The following CRKL variants were observed in gnomAD, a reference collection of about 807,000 sequenced individuals.
The protein encoded by CRKL is crk-like protein.
Under a neutral mutation model 23.0 loss-of-function variants are expected in CRKL, and 3 were observed. That is an observed-to-expected ratio of 0.13 (90% CI 0.06 to 0.34). The LOEUF is 0.34. CRKL is among the 10% of genes least tolerant of loss of function. The pLI is 1.00. For missense variants in CRKL, 256 were observed against 394.5 expected (o/e 0.65, Z 2.97); for synonymous variants, 188 against 160.7 (o/e 1.17, Z -1.28).
Position 20,917,639 on chromosome 22 carries a change from C to T in CRKL, c.-296C>T, listed in dbSNP as rs1929739168. 6.8e-6 allele frequency: 3 copies of T among 439,928 alleles called. No homozygotes were observed. Among genetic ancestry groups the T allele is most frequent in the African/African-American group, 4.2e-5 (2 of 48,152 alleles). 27.3% of individuals were successfully genotyped at this position (439,928 alleles called of 1,614,324 possible). A position where few individuals can be genotyped will look rare whatever the true frequency, so the allele number is the denominator to read the frequency against. ...AGGCACCCCTGGGACGCCGAGCAGC[C>T]CGAGAACCCCGGGGTGGCCTCCGCT... On this transcript the variant is annotated 5_prime_UTR_variant, in exon 1 of 3. Transcript: ENST00000354336.
chr22:20,940,476 A>G (rs548057655), intron 2 of CRKL, among the ~76,000 whole-genome samples: 2 of 151,550 alleles, frequency 1.3e-5, no homozygotes, highest in African/African-American at 4.9e-5. Context: ...TAATTTCTCT[A>G]TGACAGGAGA....
rs1921564815 is a variant in CRKL, at chr22:20,934,052, C to T, written c.585C>T (p.Ser195=). 1 of 1,614,148 alleles carries T rather than the reference C, an allele frequency of 6.2e-7. No individual in the cohort carries two copies. The change falls in exon 2 of 3, where the codon TCC becomes TCT. Residue 195 remains serine, a synonymous_variant. Coordinates refer to ENST00000354336, the MANE Select transcript of CRKL (RefSeq NM_005207.4). ...SPHGKHGNRN[S]NSYGIPEPAH... Reference sequence around the variant, plus strand: ...ACGGAAAGCATGGAAATAGGAATTCCAACAGTTATGGGATCCCAGAACCTG... The same window carrying T: ...ACGGAAAGCATGGAAATAGGAATTCTAACAGTTATGGGATCCCAGAACCTG...
intron 2 of CRKL, among the ~76,000 whole-genome samples, chr22:20,942,898 A>G (rs1921929397): frequency 6.6e-6 from 1 of 152,114 alleles, no homozygotes; most frequent in Admixed American, 6.6e-5. Flanking sequence ...GATTATAGGC[A>G]TGAGCCTCCT....
chr22:20,942,575 G>A (rs1921918363), intron 2 of CRKL, among the ~76,000 whole-genome samples: 1 of 151,898 alleles, frequency 6.6e-6, no homozygotes, highest in Non-Finnish European at 1.5e-5. Context: ...AGTTATTTTG[G>A]TTATATATCT....
chr22:20,937,037 A>G (rs1259070463), intron 2 of CRKL, among the ~76,000 whole-genome samples: 5 of 151,916 alleles, frequency 3.3e-5, no homozygotes, highest in Non-Finnish European at 5.9e-5. Flanking sequence ...TTTTTAGTAG[A>G]GACCGGGTTT....
intron 1 of CRKL, among the ~76,000 whole-genome samples, chr22:20,922,600 A>C (rs976440990): frequency 6.6e-6 from 1 of 152,112 alleles, no homozygotes; most frequent in South Asian, 2.1e-4. Context: ...GATTTGGTCT[A>C]TTTGTAACTT....
intron 1 of CRKL, among the ~76,000 whole-genome samples, chr22:20,921,039 G>C (rs1355737904): frequency 1.3e-5 from 2 of 152,184 alleles, no homozygotes; most frequent in African/African-American, 2.4e-5. Context: ...TCCCAAGCCT[G>C]GTTTTCATGG....
intron 1 of CRKL, among the ~76,000 whole-genome samples, chr22:20,924,673 G>A (rs898705844): frequency 2.6e-5 from 4 of 151,532 alleles, no homozygotes; most frequent in South Asian, 2.1e-4. Context: ...TGGGCAACAC[G>A]GTGAAACCCT....
intron 1 of CRKL, among the ~76,000 whole-genome samples, chr22:20,932,934 G>A (rs1921508050): frequency 6.6e-6 from 1 of 151,920 alleles, no homozygotes; most frequent in Non-Finnish European, 1.5e-5. Context: ...ACAAAATTTA[G>A]CTGGGTATGG....
At chr22:20,941,536 TTATGTGTGTGTGTG>T (rs1921871949) in intron 2 of CRKL, among the ~76,000 whole-genome samples, 11 of 80,720 alleles carry the variant, frequency 1.4e-4, no homozygotes, top group African/African-American at 4.1e-4. Context: ...TATATATATT[TTATGTGTGTGTGTG>T]TGTGTGTGTG....
At chr22:20,937,800 G>C (rs1288168910) in intron 2 of CRKL, among the ~76,000 whole-genome samples, 2 of 152,006 alleles carry the variant, frequency 1.3e-5, no homozygotes, top group East Asian at 3.9e-4. Context: ...CTGAGAAATA[G>C]ACCTTTACCA....
At chr22:20,927,803 A>G (rs1482209659) in intron 1 of CRKL, among the ~76,000 whole-genome samples, 1 of 132,654 alleles carries the variant, frequency 7.5e-6, no homozygotes, top group Non-Finnish European at 1.5e-5. Context: ...AGATCGCACC[A>G]TTGCACTCCA....
At position 20,923,812 on chromosome 22, in the gene CRKL, A is replaced by G. The variant is rs955307951; in HGVS notation, c.311+5567A>G. Among the ~76,000 whole-genome samples the G allele has an allele frequency of 6.8e-5, 10 of 147,852 alleles. No individual in the cohort carries two copies. The Admixed American group carries it at 6.8e-4, about 10-fold the overall frequency. ...GGATGGTTTTCTGTCTCTTGACCTCAGGGGATCTGCTCGCCTCGGCCTCCC... is the reference window on the plus strand; with the variant it reads ...GGATGGTTTTCTGTCTCTTGACCTCGGGGGATCTGCTCGCCTCGGCCTCCC... On this transcript the variant is annotated intron_variant, in intron 1 of 2. Coordinates refer to ENST00000354336, the MANE Select transcript of CRKL (RefSeq NM_005207.4).
chr22:20,918,592 CTTTTT>C (rs66827795), intron 1 of CRKL, among the ~76,000 whole-genome samples: 3 of 89,332 alleles, frequency 3.4e-5, no homozygotes, highest in Admixed American at 1.2e-4. Flanking sequence ...CTAAAAACCT[CTTTTT>C]TTTTTTTTTT....
At chr22:20,919,258 AT>A (rs1005949478) in intron 1 of CRKL, among the ~76,000 whole-genome samples, 2 of 152,052 alleles carry the variant, frequency 1.3e-5, no homozygotes, top group Non-Finnish European at 2.9e-5. Context: ...CAGCGAGGAT[AT>A]TTTTTGGAAA....
At chr22:20,920,741 C>CCTTTGT (rs1569130914) in intron 1 of CRKL, among the ~76,000 whole-genome samples, 3 of 149,934 alleles carry the variant, frequency 2.0e-5, no homozygotes, top group South Asian at 2.1e-4. Flanking sequence ...TGTACCTTTG[C>CCTTTGT]ACCTTTGCTC....
chr22:20,932,411 A>C (rs1445256225), intron 1 of CRKL, among the ~76,000 whole-genome samples: 1 of 151,832 alleles, frequency 6.6e-6, no homozygotes, highest in Non-Finnish European at 1.5e-5. Flanking sequence ...TATTATTTTT[A>C]ATTTGGCAAG....
intron 2 of CRKL, among the ~76,000 whole-genome samples, chr22:20,945,911 G>A (rs1922039572): frequency 6.6e-6 from 1 of 152,240 alleles, no homozygotes; most frequent in South Asian, 2.1e-4. Flanking sequence ...CCTGTCTGGT[G>A]ATTATAGTAC....
rs374584413 is a variant in CRKL at position 20,945,810 on chromosome 22, T to A, written c.778-3901T>A. On this transcript the variant is annotated intron_variant, in intron 2 of 2. Transcript: ENST00000354336. ...GCCAGGGGTGTTTGTCTCCTTTGTG[T>A]CCTCTGTTGTATCTCTTCACGGCCT... 1.1e-4 allele frequency among the ~76,000 whole-genome samples: 16 copies of A among 151,398 alleles called. No homozygotes were observed. In the South Asian group the frequency reaches 2.9e-3, roughly 27 times the overall value.
Sources: gnomAD v4.1 joint callset for allele counts (sites outside exome capture counted in the v4.1 genomes callset) on GRCh38, gnomAD v4.1.1 for gene constraint, MANE v1.5 for transcripts, NCBI Gene and HGNC (gene_info 2026-07-23, HGNC 2026-07-21) for gene names.